The following ITPR1 variants were observed in gnomAD, a reference collection of about 807,000 sequenced individuals.
The protein encoded by ITPR1 is inositol 1,4,5-trisphosphate-gated calcium channel ITPR1.
A neutral mutation model predicts 318.4 loss-of-function variants in ITPR1; 96 were observed. The ratio of observed to expected loss-of-function variants is 0.30; its 90% CI spans 0.26 to 0.36. The LOEUF (loss-of-function observed/expected upper bound fraction) is 0.36, where lower values mean the gene tolerates loss of function less well. Ranked by LOEUF, ITPR1 falls within the 10% of genes least tolerant of loss-of-function variation. The pLI, the probability that ITPR1 is intolerant of heterozygous loss-of-function variation, is 1.00. For missense variants in ITPR1, 2,440 were observed against 3,460.2 expected (o/e 0.71, Z 7.40); for synonymous variants, 1,312 against 1,289.9 (o/e 1.02, Z -0.37).
At chr3:4,714,015 G>A (rs2041580555) in intron 39 of ITPR1, among the ~76,000 whole-genome samples, 1 of 152,188 alleles carries the variant, frequency 6.6e-6, no homozygotes, top group African/African-American at 2.4e-5. Flanking sequence ...CCTATTAATT[G>A]AGCTTCAAAA....
In ITPR1 at chr3:4,719,627, C is replaced by T. The variant is rs139418444; in HGVS notation, c.5136+2228C>T. Among the ~76,000 whole-genome samples, 823 of 152,222 alleles carry T rather than the reference C, an allele frequency of 5.4e-3. 9 individuals carry two copies. Among genetic ancestry groups the T allele is most frequent in the Non-Finnish European group, 7.6e-3 (517 of 68,024 alleles). ...GCCCAGTGGCCCACTGAGGAAGGGA[C>T]GCCATGCTTTGATCATAAAGGCCAC... On this transcript the variant is annotated intron_variant, in intron 40 of 61. Coordinates refer to ENST00000649015, the MANE Select transcript of ITPR1 (RefSeq NM_001378452.1).
chr3:4,611,603 G>A (rs1198057151), intron 4 of ITPR1, among the ~76,000 whole-genome samples: 2 of 106,838 alleles, frequency 1.9e-5, no homozygotes, highest in East Asian at 8.5e-4. Flanking sequence ...TAAATTAGCA[G>A]GTGTCGTGGC....
chr3:4,535,954 T>C (rs574104990), intron 4 of ITPR1, among the ~76,000 whole-genome samples: 4 of 152,270 alleles, frequency 2.6e-5, no homozygotes, highest in East Asian at 3.9e-4. Flanking sequence ...CATCTACTTA[T>C]CAAGAGCCCC....
intron 12 of ITPR1, 77 bp from the exon 13 acceptor site, chr3:4,658,047 T>G: frequency 7.3e-7 from 1 of 1,371,342 alleles, no homozygotes; most frequent in Admixed American, 2.0e-5. Context: ...TCTCCGTTCC[T>G]GTGGATTGTG....
intron 54 of ITPR1, among the ~76,000 whole-genome samples, chr3:4,801,211 G>A (rs1428861742): frequency 6.6e-6 from 1 of 152,206 alleles, no homozygotes; most frequent in African/African-American, 2.4e-5. Context: ...TCCTTGTGAA[G>A]GGAAGGAGAA....
chr3:4,748,273 T>C (rs917384339), intron 44 of ITPR1, among the ~76,000 whole-genome samples: 2 of 152,172 alleles, frequency 1.3e-5, no homozygotes, highest in Non-Finnish European at 2.9e-5. Flanking sequence ...AGCTATTCAG[T>C]GCCCTGTACC....
intron 4 of ITPR1, among the ~76,000 whole-genome samples, chr3:4,571,533 T>C (rs1333497020): frequency 1.3e-5 from 2 of 151,986 alleles, no homozygotes; most frequent in African/African-American, 4.8e-5. Context: ...GTAGAACTGC[T>C]ACATTGCCCA....
chr3:4,815,347 C>T lies in ITPR1; in HGVS notation c.7867+129C>T, dbSNP rs1002725589. 42 of 770,134 alleles carry T rather than the reference C, an allele frequency of 5.5e-5. 1 individual carries two copies. Among genetic ancestry groups the T allele is most frequent in the East Asian group, 2.7e-4 (10 of 37,068 alleles). The allele number at this position is 770,134 out of a possible 1,614,324, so 47.7% of individuals were successfully genotyped here. A position where few individuals can be genotyped will look rare whatever the true frequency, so the allele number is the denominator to read the frequency against. On this transcript the variant is annotated intron_variant, in intron 59 of 61. Transcript: ENST00000649015. ...CGGGAGGGGGCACCGGCTGCTGCTTCGTCTTGACTCTTCTACCCTCTGCCG... is the reference window on the plus strand; with the variant it reads ...CGGGAGGGGGCACCGGCTGCTGCTTTGTCTTGACTCTTCTACCCTCTGCCG...
At chr3:4,549,850 A>ACT (rs1205598644) in intron 4 of ITPR1, among the ~76,000 whole-genome samples, 1 of 152,172 alleles carries the variant, frequency 6.6e-6, no homozygotes, top group Non-Finnish European at 1.5e-5. Flanking sequence ...CTGACTCAGG[A>ACT]AATGCCCCCA....
intron 5 of ITPR1, among the ~76,000 whole-genome samples, chr3:4,635,550 T>C (rs960742198): frequency 1.3e-5 from 2 of 151,916 alleles, no homozygotes; most frequent in African/African-American, 2.4e-5. Context: ...TTTCCCTGTG[T>C]TAGCCAGGAT....
In ITPR1 at chr3:4,516,546, G is replaced by A. The variant is rs1319285632; in HGVS notation, c.55G>A (p.Ala19Thr). The A allele has an allele frequency of 1.9e-6, 3 of 1,605,086 alleles. No individual in the cohort carries two copies. Among genetic ancestry groups the A allele is most frequent in the Admixed American group, 1.7e-5 (1 of 58,558 alleles). Residue 19 changes from alanine (A) to threonine (T), a missense_variant, in exon 3 of 62, where the codon GCG becomes ACG. Around this residue, in one of 23 missense-constraint regions of ITPR1, gnomAD observed 186 missense variants for 323.9 expected, o/e 0.57. Transcript: ENST00000649015. ...LHIGDICSLY[A>T]EGSTNGFIST... Reference sequence around the variant, plus strand: ...TATTGGAGACATTTGTTCTCTGTACGCGGAGGGATCGACAAATGGATTTAT... The same window carrying A: ...TATTGGAGACATTTGTTCTCTGTACACGGAGGGATCGACAAATGGATTTAT...
Position 4,665,161 on chromosome 3 carries a change from A to T in ITPR1, c.1578A>T (p.Pro526=). Residue 526 remains proline, a synonymous_variant, in exon 17 of 62, where the codon CCA becomes CCT. Transcript: ENST00000649015. ...LKQIFKLLQA[P]FTDCGDGPML... ...AGATCTTCAAGTTGTTACAAGCCCC[A>T]TTCACAGACTGCGGTGATGGCCCAA... The T allele has an allele frequency of 6.2e-7, 1 of 1,614,036 alleles. No individual in the cohort carries two copies. The highest frequency in any genetic ancestry group is 1.1e-5 in the South Asian group (1 of 91,084).
chr3:4,741,515 C>T (rs1363952526), intron 44 of ITPR1, among the ~76,000 whole-genome samples: 1 of 151,244 alleles, frequency 6.6e-6, no homozygotes, highest in Admixed American at 6.6e-5. Context: ...GAGAGTGATC[C>T]CTGGTTCATG....
At chr3:4,784,606 C>G (rs1421374324) in intron 51 of ITPR1, among the ~76,000 whole-genome samples, 2 of 148,598 alleles carry the variant, frequency 1.3e-5, no homozygotes, top group Admixed American at 1.3e-4. Context: ...TGTGGCTGGG[C>G]ACAGTGGCTC....
chr3:4,636,087 C>T (rs1025446704), intron 5 of ITPR1, among the ~76,000 whole-genome samples: 19 of 151,108 alleles, frequency 1.3e-4, no homozygotes, highest in African/African-American at 4.4e-4. Context: ...CTCGAACTCC[C>T]GACCTCACGT....
Position 4,673,319 on chromosome 3 carries a change from G to A in ITPR1, c.2388G>A (p.Gln796=), listed in dbSNP as rs1279986080. ...MLHMHVDRDP[Q]EQVTPVKYAR... ...ACATGCATGTGGACCGAGATCCCCA[G>A]GAACAAGTCACCCCCGTGAAATATG... is the stretch of plus-strand genomic sequence containing the variant. The change falls in exon 21 of 62, where the codon CAG becomes CAA. Residue 796 remains glutamine, a synonymous_variant. Transcript: ENST00000649015. The A allele has an allele frequency of 1.2e-6, 2 of 1,613,680 alleles. No homozygotes were observed. The highest frequency in any genetic ancestry group is 2.7e-5 in the African/African-American group (2 of 74,912).
chr3:4,654,807 G>A (rs2093670115), intron 12 of ITPR1, among the ~76,000 whole-genome samples: 1 of 152,206 alleles, frequency 6.6e-6, no homozygotes, highest in Non-Finnish European at 1.5e-5. Context: ...TGTGAATTCT[G>A]CTGTTATGGT....
intron 39 of ITPR1, 120 bp from the exon 40 acceptor site, chr3:4,717,247 C>T: frequency 1.2e-6 from 1 of 857,142 alleles, no homozygotes; most frequent in South Asian, 1.6e-5. Flanking sequence ...GGATGGTTAC[C>T]CATCTAGCAA....
chr3:4,666,095 A>T (rs1389502914), intron 17 of ITPR1, among the ~76,000 whole-genome samples: 1 of 152,118 alleles, frequency 6.6e-6, no homozygotes, highest in East Asian at 1.9e-4. Context: ...AGGTTTAGAA[A>T]ATTTGTGCCA....
Sources: gnomAD v4.1 joint callset for allele counts (sites outside exome capture counted in the v4.1 genomes callset) on GRCh38, gnomAD v4.1.1 for gene constraint, gnomAD v4.1.1 regional missense constraint, MANE v1.5 for transcripts, NCBI Gene and HGNC (gene_info 2026-07-23, HGNC 2026-07-21) for gene names.